The following ITGA6 variants were observed in gnomAD, a reference collection of about 807,000 sequenced individuals.
ITGA6 encodes integrin alpha-6.
In ITGA6, 63 loss-of-function variants were observed where a neutral mutation model predicts 133.6. That is an observed-to-expected ratio of 0.47 (90% CI 0.38 to 0.58). The LOEUF (loss-of-function observed/expected upper bound fraction) is 0.58, where lower values mean the gene tolerates loss of function less well. Ranked by LOEUF, ITGA6 falls within the 20% of genes least tolerant of loss-of-function variation. The pLI is 0.00. For missense variants in ITGA6, 1,068 were observed against 1,309.4 expected, an observed-to-expected ratio of 0.82 and a Z score of 2.85; for synonymous variants, 434 against 482.0, an observed-to-expected ratio of 0.90 and a Z score of 1.30.
intron 5 of ITGA6, among the ~76,000 whole-genome samples, chr2:172,472,281 A>G (rs1038664078): frequency 6.6e-6 from 1 of 152,250 alleles, no homozygotes. Flanking sequence ...CTGTGATTGC[A>G]GCACTGCCCT....
At chr2:172,435,027 A>AGTGTGTGT (rs72087668) in intron 1 of ITGA6, among the ~76,000 whole-genome samples, 3,030 of 144,092 alleles carry the variant, frequency 0.021, 72 homozygotes, top group East Asian at 0.081. Context: ...GGTGGTTTTA[A>AGTGTGTGT]GTGTGTGTGT....
intron 1 of ITGA6, among the ~76,000 whole-genome samples, chr2:172,435,881 G>C (rs1342082887): frequency 6.6e-6 from 1 of 151,902 alleles, no homozygotes. Context: ...AGCCTGGCTT[G>C]GCCTCCCAAA....
intron 1 of ITGA6, among the ~76,000 whole-genome samples, chr2:172,428,909 C>T (rs1683995909): frequency 6.6e-6 from 1 of 152,182 alleles, no homozygotes; most frequent in Admixed American, 6.5e-5. Context: ...CGCTTAGTCG[C>T]CTTAATCGCT....
intron 24 of ITGA6, among the ~76,000 whole-genome samples, chr2:172,499,399 C>G (rs1371768881): frequency 6.6e-6 from 1 of 152,188 alleles, no homozygotes; most frequent in Non-Finnish European, 1.5e-5. Context: ...GTCTCTCGCT[C>G]TGTCACCCAG....
At chr2:172,450,302 C>T (rs1275254828) in intron 1 of ITGA6, among the ~76,000 whole-genome samples, 5 of 152,100 alleles carry the variant, frequency 3.3e-5, no homozygotes, top group South Asian at 2.1e-4. Flanking sequence ...ATGTGGAGGA[C>T]GGGCTCGGGT....
chr2:172,444,588 GC>G (rs67923340), intron 1 of ITGA6, among the ~76,000 whole-genome samples: 23,074 of 105,964 alleles, frequency 0.22, 2,883 homozygotes, highest in East Asian at 0.79. Flanking sequence ...CAAAATCCCC[GC>G]CCCCCGCCCC....
chr2:172,491,564 T>C lies in ITGA6; in HGVS notation c.2988+41T>C. ...GCTTCATTCAGGTTCAGAACATGTC[T>C]CTTTTCCCTGTACCCCACACTCATG... On this transcript the variant is annotated intron_variant, in intron 23 of 25. Coordinates refer to ENST00000684293, the MANE Select transcript of ITGA6 (RefSeq NM_000210.4). This position sits in a 1 kb window ranked among gnomAD's most constrained non-coding sequence, Gnocchi z 4.4. 7.6e-7 allele frequency: 1 copy of C among 1,307,798 alleles called. No homozygotes were observed. Among genetic ancestry groups the C allele is most frequent in the Non-Finnish European group, 1.1e-6 (1 of 905,496 alleles). 81.0% of individuals were successfully genotyped at this position (1,307,798 alleles called of 1,614,324 possible). A position where few individuals can be genotyped will look rare whatever the true frequency, so the allele number is the denominator to read the frequency against.
At chr2:172,484,027 T>C (rs1254364785) in intron 11 of ITGA6, among the ~76,000 whole-genome samples, 2 of 152,174 alleles carry the variant, frequency 1.3e-5, no homozygotes, top group Non-Finnish European at 2.9e-5. Flanking sequence ...GTCAGGCTGG[T>C]CTCAAACTCC....
chr2:172,457,119 C>T (rs1046847519), intron 1 of ITGA6, among the ~76,000 whole-genome samples: 1 of 151,952 alleles, frequency 6.6e-6, no homozygotes, highest in Non-Finnish European at 1.5e-5. Flanking sequence ...CATGGTGAAA[C>T]CCCATTTCTA....
intron 3 of ITGA6, chr2:172,468,902 G>C (rs1214699168): frequency 5.8e-6 from 3 of 514,078 alleles, no homozygotes; most frequent in Non-Finnish European, 1.0e-5. Context: ...GGATTATTCT[G>C]AGTGAGAATA....
chr2:172,488,343 A>G, intron 19 of ITGA6, 115 bp downstream of exon 19: 1 of 777,268 alleles, frequency 1.3e-6, no homozygotes, highest in Non-Finnish European at 2.2e-6. Context: ...TAAGTAAATC[A>G]TGAGTTAAAA....
rs746598597 is a variant in ITGA6 at position 172,491,418 on chromosome 2, C to T, written c.2890-7C>T. The T allele has an allele frequency of 6.2e-7, 1 of 1,609,794 alleles. No individual in the cohort carries two copies. Among genetic ancestry groups the T allele is most frequent in the African/African-American group, 1.3e-5 (1 of 74,906 alleles). On this transcript the variant is annotated splice_polypyrimidine_tract_variant and splice_region_variant and intron_variant, in intron 22 of 25. Transcript: ENST00000684293. This position sits in a 1 kb window ranked among gnomAD's most constrained non-coding sequence, Gnocchi z 4.4. ...ACTTCCCTAATGCATTCACTGTCTC[C>T]AAACAGGAATATTCCAAACTGAACT...
intron 3 of ITGA6, among the ~76,000 whole-genome samples, chr2:172,468,189 T>C (rs1396517074): frequency 6.6e-6 from 1 of 152,200 alleles, no homozygotes; most frequent in Non-Finnish European, 1.5e-5. Context: ...TTAGTAAAAA[T>C]ATGGGCATGG....
intron 24 of ITGA6, among the ~76,000 whole-genome samples, chr2:172,498,766 C>G (rs1205646963): frequency 6.6e-6 from 1 of 152,128 alleles, no homozygotes; most frequent in African/African-American, 2.4e-5. Context: ...AGATTACAAC[C>G]TAAAAATTTT....
intron 1 of ITGA6, among the ~76,000 whole-genome samples, chr2:172,444,765 C>G (rs1684688919): frequency 2.8e-5 from 4 of 143,408 alleles, no homozygotes; most frequent in African/African-American, 1.0e-4. Flanking sequence ...TATTTCCCCC[C>G]CACAACCCAG....
At chr2:172,427,511 A>C (rs1269836329), upstream of ITGA6, 25 of 518,016 alleles carry the variant, frequency 4.8e-5, no homozygotes, top group Non-Finnish European at 5.9e-5. Flanking sequence ...GCGCGCAAGG[A>C]GGGGCGAGAG....
chr2:172,454,987 C>T (rs2149022959), intron 1 of ITGA6, among the ~76,000 whole-genome samples: 1 of 151,998 alleles, frequency 6.6e-6, no homozygotes, highest in Admixed American at 6.5e-5. Flanking sequence ...TACCCCCAAA[C>T]CAAAAATAAA....
At chr2:172,441,558 T>TAAAAAAAAAAAAAAA (rs1559116474) in intron 1 of ITGA6, among the ~76,000 whole-genome samples, 1 of 64,858 alleles carries the variant, frequency 1.5e-5, no homozygotes, top group African/African-American at 6.2e-5. Context: ...CGCTGTCTCT[T>TAAAAAAAAAAAAAAA]TAAAAAAAAA....
intron 12 of ITGA6, 54 bp downstream of exon 12, chr2:172,484,996 T>G (rs1686602100): frequency 6.3e-7 from 1 of 1,596,580 alleles, no homozygotes; most frequent in African/African-American, 1.3e-5. Context: ...AAAAAGGTTA[T>G]ATGGTGATAT....
Sources: gnomAD v4.1 joint callset for allele counts (sites outside exome capture counted in the v4.1 genomes callset) on GRCh38, gnomAD v4.1.1 for gene constraint, Gnocchi (gnomAD v3.1) non-coding constraint, MANE v1.5 for transcripts, NCBI Gene and HGNC (gene_info 2026-07-23, HGNC 2026-07-21) for gene names.